The following KCNB2 variants were observed in gnomAD, a reference collection of about 807,000 sequenced individuals.
The protein encoded by KCNB2 is potassium voltage-gated channel subfamily B member 2.
KCNB2 carries 15 observed loss-of-function variants against 61.5 expected under a neutral mutation model. That is an observed-to-expected ratio of 0.24 (90% CI 0.16 to 0.38). KCNB2 has a LOEUF of 0.38. Among genes scored for constraint, KCNB2 ranks in the 10% least tolerant of loss-of-function variants. KCNB2 has a pLI of 1.00. For synonymous variants in KCNB2, 457 were observed against 446.0 expected, an observed-to-expected ratio of 1.02 and a Z score of -0.31; for missense variants, 828 against 1,125.2, an observed-to-expected ratio of 0.74 and a Z score of 3.78.
chr8:72,550,888 G>T (rs960133960), intron 1 of KCNB2, among the ~76,000 whole-genome samples: 1 of 152,208 alleles, frequency 6.6e-6, no homozygotes, highest in African/African-American at 2.4e-5. Context: ...GATATTTGGA[G>T]ATTCAGACAG....
rs1806900783 is a variant in KCNB2, at chr8:72,936,216, C to T, written c.861C>T (p.Asn287=). 1 of 1,614,132 alleles carries T rather than the reference C, an allele frequency of 6.2e-7. No individual in the cohort carries two copies. Among genetic ancestry groups the T allele is most frequent in the African/African-American group, 1.3e-5 (1 of 74,952 alleles). Reference sequence around the variant, plus strand: ...TCACCATTTTTCTGACGGAGTCCAACAAGAGCGTGCTGCAGTTCCAAAACG... The same window carrying T: ...TCACCATTTTTCTGACGGAGTCCAATAAGAGCGTGCTGCAGTTCCAAAACG... ...YYVTIFLTES[N]KSVLQFQNVR... is the part of the protein sequence containing the mutation. The change falls in exon 3 of 3, where the codon AAC becomes AAT. Residue 287 remains asparagine (N), a synonymous_variant. Coordinates refer to ENST00000523207, the MANE Select transcript of KCNB2 (RefSeq NM_004770.3). This position sits in a 1 kb window ranked among gnomAD's most constrained non-coding sequence, Gnocchi z 5.6.
intron 2 of KCNB2, among the ~76,000 whole-genome samples, chr8:72,683,165 C>T (rs866939233): frequency 1.3e-5 from 2 of 152,220 alleles, no homozygotes; most frequent in Admixed American, 6.5e-5. Flanking sequence ...GGAAATATGA[C>T]GTAAACAGCA....
intron 2 of KCNB2, among the ~76,000 whole-genome samples, chr8:72,729,468 G>C (rs1240124459): frequency 6.6e-6 from 1 of 152,198 alleles, no homozygotes; most frequent in African/African-American, 2.4e-5. Flanking sequence ...CACATGTGAA[G>C]TTTCACTTGA....
At chr8:72,857,332 C>A (rs908806696) in intron 2 of KCNB2, among the ~76,000 whole-genome samples, 2 of 152,098 alleles carry the variant, frequency 1.3e-5, no homozygotes, top group African/African-American at 4.8e-5. Context: ...TGGAAAGGGG[C>A]AGAGCATTCC....
At chr8:72,777,900 G>C (rs1013457878) in intron 2 of KCNB2, among the ~76,000 whole-genome samples, 1 of 152,060 alleles carries the variant, frequency 6.6e-6, no homozygotes, top group African/African-American at 2.4e-5. Context: ...CTGCTTCTGA[G>C]GAAAAATCCA....
intron 2 of KCNB2, among the ~76,000 whole-genome samples, chr8:72,812,299 C>T (rs1229621915): frequency 2.0e-5 from 3 of 151,754 alleles, no homozygotes. Flanking sequence ...AAAAGTGAAG[C>T]AGAGGACACT....
chr8:72,598,549 A>G (rs888428314), intron 2 of KCNB2, among the ~76,000 whole-genome samples: 7 of 152,156 alleles, frequency 4.6e-5, no homozygotes, highest in South Asian at 2.1e-4. Context: ...ACAAGACAAG[A>G]ATGCCCTCTC....
At chr8:72,623,455 G>A (rs2128984373) in intron 2 of KCNB2, among the ~76,000 whole-genome samples, 1 of 152,324 alleles carries the variant, frequency 6.6e-6, no homozygotes, top group Non-Finnish European at 1.5e-5. Flanking sequence ...TTATTGAAAA[G>A]CAAAGGCTGT....
chr8:72,714,698 G>A (rs1472283870), intron 2 of KCNB2, among the ~76,000 whole-genome samples: 1 of 152,150 alleles, frequency 6.6e-6, no homozygotes, highest in Admixed American at 6.5e-5. Flanking sequence ...ACCAGCCACT[G>A]TAAAAACATG....
intron 2 of KCNB2, among the ~76,000 whole-genome samples, chr8:72,626,672 C>T (rs1191219124): frequency 6.6e-6 from 1 of 152,224 alleles, no homozygotes; most frequent in Admixed American, 6.5e-5. Context: ...GCCTAAGACA[C>T]ATACGCAAGA....
intron 2 of KCNB2, among the ~76,000 whole-genome samples, chr8:72,588,500 A>G (rs1807036116): frequency 6.6e-6 from 1 of 151,908 alleles, no homozygotes. Context: ...CGGCCTCCCA[A>G]AGTGCTGAGA....
At chr8:72,799,170 A>G (rs991552422) in intron 2 of KCNB2, among the ~76,000 whole-genome samples, 1 of 152,190 alleles carries the variant, frequency 6.6e-6, no homozygotes, top group African/African-American at 2.4e-5. Flanking sequence ...TGGTCACATC[A>G]TCACACTTGT....
intron 2 of KCNB2, among the ~76,000 whole-genome samples, chr8:72,925,814 T>G (rs938096486): frequency 1.3e-5 from 2 of 152,176 alleles, no homozygotes; most frequent in African/African-American, 4.8e-5. Context: ...GCAGCACTAT[T>G]CACAGTAGCA....
At chr8:72,744,622 G>A (rs944797955) in intron 2 of KCNB2, among the ~76,000 whole-genome samples, 8 of 152,110 alleles carry the variant, frequency 5.3e-5, no homozygotes, top group Admixed American at 4.6e-4. Context: ...GGAAAGATGG[G>A]GAGCCTTTCC....
rs558660172 is a variant in KCNB2 at position 72,865,355 on chromosome 8, C to T, written c.580-70580C>T. ...ACTCTGCCCCAAAGCATCTAGTGCCCAGGCCTATGCCTCAGTTTCCTGTCT... is the reference window on the plus strand; with the variant it reads ...ACTCTGCCCCAAAGCATCTAGTGCCTAGGCCTATGCCTCAGTTTCCTGTCT... On this transcript the variant is annotated intron_variant, in intron 2 of 2. Transcript: ENST00000523207. 1.1e-3 allele frequency among the ~76,000 whole-genome samples: 160 copies of T among 152,260 alleles called. 1 individual carries two copies. The highest frequency in any genetic ancestry group is 3.6e-3 in the African/African-American group (150 of 41,570).
intron 2 of KCNB2, among the ~76,000 whole-genome samples, chr8:72,744,979 C>T (rs909744525): frequency 1.2e-4 from 19 of 152,190 alleles, no homozygotes; most frequent in African/African-American, 4.3e-4. Flanking sequence ...CTGCCAGCTT[C>T]GCTGAGCTGC....
At chr8:72,711,371 C>T (rs1807323609) in intron 2 of KCNB2, among the ~76,000 whole-genome samples, 2 of 152,196 alleles carry the variant, frequency 1.3e-5, no homozygotes, top group Admixed American at 1.3e-4. Flanking sequence ...CCTGCATGCG[C>T]CAGGCCTCCT....
chr8:72,823,766 A>G (rs1290517118), intron 2 of KCNB2, among the ~76,000 whole-genome samples: 2 of 152,224 alleles, frequency 1.3e-5, no homozygotes, highest in Non-Finnish European at 2.9e-5. Context: ...AGGCTCGAAG[A>G]GGTTAAGTAA....
chr8:72,867,978 T>A (rs1805557507), intron 2 of KCNB2, among the ~76,000 whole-genome samples: 1 of 151,774 alleles, frequency 6.6e-6, no homozygotes, highest in South Asian at 2.1e-4. Flanking sequence ...TTCTTTGAAA[T>A]GATTGGTAAA....
Sources: allele counts gnomAD v4.1 joint callset (sites outside exome capture counted in the v4.1 genomes callset), GRCh38; gene constraint gnomAD v4.1.1; non-coding constraint Gnocchi (gnomAD v3.1); transcripts MANE v1.5; gene names NCBI Gene and HGNC (gene_info 2026-07-23, HGNC 2026-07-21).